Variants in BRINP1 observed in about 807,000 individuals in gnomAD.
BRINP1 encodes the protein BMP/retinoic acid inducible neural specific 1, also known as BMP/retinoic acid-inducible neural-specific protein 1.
In BRINP1, 17 loss-of-function variants were observed where a neutral mutation model predicts 72.9. The ratio of observed to expected loss-of-function variants is 0.23; its 90% CI spans 0.16 to 0.35. The LOEUF (loss-of-function observed/expected upper bound fraction) is 0.35. BRINP1 is among the 10% of genes least tolerant of loss of function. The pLI is 1.00. For missense variants in BRINP1, 850 were observed against 1,001.6 expected, an observed-to-expected ratio of 0.85 and a Z score of 2.04; for synonymous variants, 418 against 378.5, an observed-to-expected ratio of 1.10 and a Z score of -1.21.
At chr9:119,329,950 G>C (rs1831282228) in intron 1 of BRINP1, among the ~76,000 whole-genome samples, 2 of 152,296 alleles carry the variant, frequency 1.3e-5, no homozygotes, top group South Asian at 4.1e-4. Flanking sequence ...CTACTTGGAT[G>C]AGAAGTAGAC....
At chr9:119,233,497 G>A (rs1281081175) in intron 5 of BRINP1, among the ~76,000 whole-genome samples, 4 of 152,024 alleles carry the variant, frequency 2.6e-5, no homozygotes, top group Non-Finnish European at 5.9e-5. Context: ...GTCATTCCTG[G>A]CTCCTCTAAC....
At chr9:119,226,670 T>G (rs1368651341) in intron 5 of BRINP1, among the ~76,000 whole-genome samples, 1 of 6,528 alleles carries the variant, frequency 1.5e-4, no homozygotes, top group African/African-American at 4.7e-4. Flanking sequence ...ATTCTAGGGT[T>G]TTTTTTTGTC....
At position 119,208,953 on chromosome 9, in the gene BRINP1, C is replaced by A; in HGVS notation, c.923-12G>T. The A allele has an allele frequency of 6.2e-7, 1 of 1,606,316 alleles. No homozygotes were observed. Among genetic ancestry groups the A allele is most frequent in the Non-Finnish European group, 8.5e-7 (1 of 1,173,046 alleles). Reference sequence around the variant, plus strand: ...TGATTTAAACTCATCTAGTGAGAGACAAAGGCCGAGAGAGAAGGGCTAAGC... The same window carrying A: ...TGATTTAAACTCATCTAGTGAGAGAAAAAGGCCGAGAGAGAAGGGCTAAGC... On this transcript the variant is annotated splice_polypyrimidine_tract_variant and intron_variant, in intron 6 of 7. Transcript: ENST00000265922.
intron 4 of BRINP1, among the ~76,000 whole-genome samples, chr9:119,238,978 G>A (rs1194698740): frequency 6.6e-6 from 1 of 152,198 alleles, no homozygotes; most frequent in Non-Finnish European, 1.5e-5. Flanking sequence ...GTGCATGCCT[G>A]TTCCTACCAC....
chr9:119,239,117 T>G (rs1830221262), intron 4 of BRINP1, among the ~76,000 whole-genome samples: 1 of 152,230 alleles, frequency 6.6e-6, no homozygotes. Context: ...GTATTTACCC[T>G]GGGACCTAGG....
intron 7 of BRINP1, among the ~76,000 whole-genome samples, chr9:119,175,028 TAGTG>T (rs1829465031): frequency 6.8e-6 from 1 of 147,274 alleles, no homozygotes; most frequent in African/African-American, 2.6e-5. Flanking sequence ...GATGACGAGT[TAGTG>T]GGTGCAGTGC....
At chr9:119,221,271 A>G (rs991642926) in intron 5 of BRINP1, among the ~76,000 whole-genome samples, 1 of 152,228 alleles carries the variant, frequency 6.6e-6, no homozygotes, top group African/African-American at 2.4e-5. Context: ...GGAGAACAAC[A>G]GCAAGGACTG....
intron 5 of BRINP1, among the ~76,000 whole-genome samples, chr9:119,238,285 A>C (rs556890133): frequency 6.6e-6 from 1 of 152,286 alleles, no homozygotes. Flanking sequence ...TTACTATTTT[A>C]AAGGATATAT....
intron 5 of BRINP1, among the ~76,000 whole-genome samples, chr9:119,224,930 GAAC>G (rs1830075054): frequency 6.6e-6 from 1 of 151,936 alleles, no homozygotes; most frequent in South Asian, 2.1e-4. Context: ...TAGAGGAAAC[GAAC>G]AATAATGTAA....
chr9:119,168,242 A>G lies in BRINP1; in HGVS notation c.1146-18T>C. 2 of 1,487,778 alleles carry G rather than the reference A, an allele frequency of 1.3e-6. No homozygotes were observed. The highest frequency in any genetic ancestry group is 1.8e-6 in the Non-Finnish European group (2 of 1,122,300). The allele number at this position is 1,487,778 out of a possible 1,614,324, so 92.2% of individuals were successfully genotyped here. A position where few individuals can be genotyped will look rare whatever the true frequency, so the allele number is the denominator to read the frequency against. The stretch of plus-strand genomic sequence containing the variant: ...GAATTGTCCTGGGAGATAAAGGAAA[A>G]TTGGAGAAGGTTAGCTACCATGAGT... On this transcript the variant is annotated intron_variant, in intron 7 of 7. Coordinates refer to ENST00000265922, the MANE Select transcript of BRINP1 (RefSeq NM_014618.3).
intron 5 of BRINP1, among the ~76,000 whole-genome samples, chr9:119,223,797 A>G (rs1349829244): frequency 6.6e-6 from 1 of 152,080 alleles, no homozygotes; most frequent in Non-Finnish European, 1.5e-5. Flanking sequence ...GAGGCTTTTT[A>G]AATTTCATCT....
At chr9:119,353,822 CTTTTTTTTTTTTTTTTTTT>C (rs138900910) in intron 1 of BRINP1, among the ~76,000 whole-genome samples, 6 of 30,924 alleles carry the variant, frequency 1.9e-4, no homozygotes, top group African/African-American at 3.5e-4. Flanking sequence ...GTTTTGAGCA[CTTTTTTTTTTTTTTTTTTT>C]TTTTTTTTTT....
chr9:119,307,920 A>C (rs1451117285), intron 2 of BRINP1, among the ~76,000 whole-genome samples: 2 of 152,180 alleles, frequency 1.3e-5, no homozygotes, highest in African/African-American at 4.8e-5. Context: ...AGCCTCTAGA[A>C]TCACACATGC....
At chr9:119,313,533 A>C in intron 1 of BRINP1, 128 bp from the exon 2 acceptor site, 1 of 774,492 alleles carries the variant, frequency 1.3e-6, no homozygotes, top group Non-Finnish European at 2.0e-6. Flanking sequence ...CTTCATAATA[A>C]TACCTTATAT....
At chr9:119,353,135 C>G (rs567681171) in intron 1 of BRINP1, among the ~76,000 whole-genome samples, 5 of 152,194 alleles carry the variant, frequency 3.3e-5, no homozygotes, top group African/African-American at 1.2e-4. Context: ...TCGGTACCAC[C>G]GAGGCAAGCC....
At chr9:119,252,950 A>G (rs2118925593) in intron 2 of BRINP1, among the ~76,000 whole-genome samples, 1 of 152,268 alleles carries the variant, frequency 6.6e-6, no homozygotes, top group Middle Eastern at 3.4e-3. Flanking sequence ...GAAACTCAGA[A>G]AGATGCCTAT....
At position 119,213,947 on chromosome 9, in the gene BRINP1, G is replaced by A. The variant is rs376177879; in HGVS notation, c.894C>T (p.Ala298=). 5.6e-6 allele frequency: 9 copies of A among 1,614,050 alleles called. No individual in the cohort carries two copies. Among genetic ancestry groups the A allele is most frequent in the African/African-American group, 5.3e-5 (4 of 75,002 alleles). ...AATTCTCCAGGTCCTTATAAGCTTC[G>A]GCCCAAGACTTGGCCATGTTGGCCA... ...YTLANMAKSW[A]EAYKDLENSD... is the part of the protein sequence containing the mutation. The change falls in exon 6 of 8, where the codon GCC becomes GCT. Residue 298 remains alanine (A), a synonymous_variant. Transcript: ENST00000265922.
At position 119,167,011 on chromosome 9, in the gene BRINP1, G is replaced by T; in HGVS notation, c.*73C>A. 1.6e-5 allele frequency: 23 copies of T among 1,431,610 alleles called. No individual in the cohort carries two copies. Among genetic ancestry groups the T allele is most frequent in the African/African-American group, 5.7e-5 (4 of 69,616 alleles). The allele number at this position is 1,431,610 out of a possible 1,614,324, so 88.7% of individuals were successfully genotyped here. A position where few individuals can be genotyped will look rare whatever the true frequency, so the allele number is the denominator to read the frequency against. ...TTTACAAATTTTTGTGGGTTTTTTT[G>T]TTTTGTTTTGCTTCATTTTGTTCTG... On this transcript the variant is annotated 3_prime_UTR_variant, in exon 8 of 8. Coordinates refer to ENST00000265922, the MANE Select transcript of BRINP1 (RefSeq NM_014618.3). This position sits in a 1 kb window ranked among gnomAD's most constrained non-coding sequence, Gnocchi z 4.3.
intron 7 of BRINP1, among the ~76,000 whole-genome samples, chr9:119,194,872 C>T (rs1829719499): frequency 6.6e-6 from 1 of 152,160 alleles, no homozygotes; most frequent in African/African-American, 2.4e-5. Context: ...TACCTAAACT[C>T]CTGACCCCTG....
Sources: gnomAD v4.1 joint callset for allele counts (sites outside exome capture counted in the v4.1 genomes callset) on GRCh38, gnomAD v4.1.1 for gene constraint, Gnocchi (gnomAD v3.1) non-coding constraint, MANE v1.5 for transcripts, NCBI Gene and HGNC (gene_info 2026-07-23, HGNC 2026-07-21) for gene names.